PPIP5K2: variants seen among roughly 807,000 people sequenced by gnomAD.
The protein encoded by PPIP5K2 is diphosphoinositol pentakisphosphate kinase 2, also known as inositol hexakisphosphate and diphosphoinositol-pentakisphosphate kinase 2.
Under a neutral mutation model 154.6 loss-of-function variants are expected in PPIP5K2, and 105 were observed. That is an observed-to-expected ratio of 0.68 (90% CI 0.58 to 0.80). The LOEUF (loss-of-function observed/expected upper bound fraction) is 0.80. PPIP5K2 is among the 30% of genes least tolerant of loss of function. The pLI is 0.00. For synonymous variants in PPIP5K2, 480 were observed against 490.3 expected, an observed-to-expected ratio of 0.98 and a Z score of 0.28; for missense variants, 992 against 1,504.6, an observed-to-expected ratio of 0.66 and a Z score of 5.64.
At chr5:103,140,301 G>A (rs977100033) in intron 5 of PPIP5K2, among the ~76,000 whole-genome samples, 8 of 151,984 alleles carry the variant, frequency 5.3e-5, no homozygotes, top group Admixed American at 6.6e-5. Context: ...ATATGCATAG[G>A]TCATAGAAGA....
chr5:103,162,233 T>G (rs1554216117), intron 17 of PPIP5K2, among the ~76,000 whole-genome samples: 3 of 152,188 alleles, frequency 2.0e-5, no homozygotes, highest in African/African-American at 7.2e-5. Context: ...GTCTATGTTT[T>G]TCTTCTTGGA....
At chr5:103,159,409 G>C (rs2149612796) in intron 17 of PPIP5K2, 81 bp downstream of exon 17, 1 of 1,158,118 alleles carries the variant, frequency 8.6e-7, no homozygotes, top group East Asian at 2.7e-5. Context: ...TACATGTAGA[G>C]CTTATTGTAT....
chr5:103,169,206 CTA>C (rs1554218867), intron 19 of PPIP5K2, among the ~76,000 whole-genome samples: 1 of 151,640 alleles, frequency 6.6e-6, no homozygotes, highest in Non-Finnish European at 1.5e-5. Context: ...GAGATCAGGA[CTA>C]TGTTAGAAGA....
Position 103,201,566 on chromosome 5 carries a change from C to A in PPIP5K2, c.3664C>A (p.Arg1222=). The A allele has an allele frequency of 1.2e-6, 2 of 1,607,720 alleles. No individual in the cohort carries two copies. Among genetic ancestry groups the A allele is most frequent in the Non-Finnish European group, 1.7e-6 (2 of 1,178,084 alleles). The change falls in exon 31 of 31, where the codon CGG becomes AGG. Residue 1222 remains arginine, a synonymous_variant. Transcript: ENST00000358359. Reference sequence around the variant, plus strand: ...TGCAGTTGTTCCTAATACCTCATCTCGGAAAAAGAATATAACTAGCAAAAC... The same window carrying A: ...TGCAGTTGTTCCTAATACCTCATCTAGGAAAAAGAATATAACTAGCAAAAC... ...SSAVVPNTSS[R]KKNITSKTET... is the part of the protein sequence containing the mutation.
chr5:103,145,393 T>C (rs1793592669), intron 5 of PPIP5K2, among the ~76,000 whole-genome samples: 1 of 152,106 alleles, frequency 6.6e-6, no homozygotes, highest in Non-Finnish European at 1.5e-5. Context: ...ATCCCACTGC[T>C]GGGTATATGT....
chr5:103,184,790 A>C, intron 26 of PPIP5K2, 46 bp downstream of exon 26: 15 of 1,433,718 alleles, frequency 1.0e-5, no homozygotes, highest in Non-Finnish European at 1.3e-5. Context: ...TCTTAAACTC[A>C]CTATTGTGCA....
intron 7 of PPIP5K2, among the ~76,000 whole-genome samples, chr5:103,148,797 AG>A (rs1794137949): frequency 6.6e-6 from 1 of 151,648 alleles, no homozygotes; most frequent in East Asian, 1.9e-4. Context: ...TTCTTTTGGA[AG>A]GTTTTTTTTT....
intron 26 of PPIP5K2, among the ~76,000 whole-genome samples, chr5:103,185,242 A>G (rs1800177427): frequency 6.6e-6 from 1 of 152,152 alleles, no homozygotes; most frequent in Admixed American, 6.5e-5. Flanking sequence ...TAACCTATAG[A>G]ACATAATTGG....
chr5:103,181,527 C>G (rs571690773), intron 24 of PPIP5K2, among the ~76,000 whole-genome samples: 1 of 151,748 alleles, frequency 6.6e-6, no homozygotes. Flanking sequence ...GAGACCACCC[C>G]CCTGACTGCA....
chr5:103,133,808 C>T (rs535431274), intron 3 of PPIP5K2, among the ~76,000 whole-genome samples, 160 bp downstream of exon 3: 47 of 151,988 alleles, frequency 3.1e-4, no homozygotes, highest in Non-Finnish European at 6.0e-4. Flanking sequence ...CAGTGTTTGT[C>T]TTCTATGTGT....
chr5:103,134,913 T>C (rs1791226906), intron 3 of PPIP5K2, among the ~76,000 whole-genome samples: 2 of 152,206 alleles, frequency 1.3e-5, no homozygotes, highest in Admixed American at 1.3e-4. Flanking sequence ...GGTATCTGTA[T>C]TTAAATTTTA....
At chr5:103,176,872 G>A in intron 21 of PPIP5K2, 1 of 1,431,700 alleles carries the variant, frequency 7.0e-7, no homozygotes, top group Non-Finnish European at 9.5e-7. Context: ...AAAGACCAAT[G>A]ATTCTCAGAA....
At chr5:103,177,611 T>A in intron 21 of PPIP5K2, 56 bp from the exon 22 acceptor site, 1 of 1,195,962 alleles carries the variant, frequency 8.4e-7, no homozygotes. Flanking sequence ...GACAATAAAG[T>A]GACTTTCAAG....
Position 103,201,942 on chromosome 5 carries a change from A to C in PPIP5K2, c.*308A>C. 3.7e-6 allele frequency: 1 copy of C among 272,114 alleles called. No individual in the cohort carries two copies. The highest frequency in any genetic ancestry group is 1.1e-4 in the East Asian group (1 of 9,290). The allele number at this position is 272,114 out of a possible 1,614,324, so 16.9% of individuals were successfully genotyped here. On this transcript the variant is annotated 3_prime_UTR_variant, in exon 31 of 31. Coordinates refer to ENST00000358359, the MANE Select transcript of PPIP5K2 (RefSeq NM_001276277.3). ...GTACCAAAGTCACAGCAGTAATGCTATGTACTGCAGAGTCTGATGAGCTGG... is the reference window on the plus strand; with the variant it reads ...GTACCAAAGTCACAGCAGTAATGCTCTGTACTGCAGAGTCTGATGAGCTGG...
At chr5:103,160,629 T>C (rs1469754840) in intron 17 of PPIP5K2, among the ~76,000 whole-genome samples, 1 of 152,232 alleles carries the variant, frequency 6.6e-6, no homozygotes, top group African/African-American at 2.4e-5. Context: ...TGTTTTTGTT[T>C]TCTTTTAACT....
intron 2 of PPIP5K2, 48 bp from the exon 3 acceptor site, chr5:103,133,405 G>T: frequency 6.6e-7 from 1 of 1,513,014 alleles, no homozygotes; most frequent in African/African-American, 1.4e-5. Context: ...GCTGTACTTT[G>T]GAGTTCATGT....
chr5:103,171,273 G>A (rs1332756526), intron 19 of PPIP5K2, among the ~76,000 whole-genome samples: 10 of 151,104 alleles, frequency 6.6e-5, no homozygotes, highest in African/African-American at 2.4e-4. Flanking sequence ...ATGGTATAGT[G>A]GTAAATAAAA....
At chr5:103,128,224 A>G (rs943024982) in intron 1 of PPIP5K2, among the ~76,000 whole-genome samples, 6 of 152,076 alleles carry the variant, frequency 3.9e-5, no homozygotes, top group East Asian at 1.9e-4. Flanking sequence ...TTGACTTTTA[A>G]GAATATTTGA....
chr5:103,158,909 A>G (rs534162640), intron 16 of PPIP5K2, among the ~76,000 whole-genome samples: 2 of 152,270 alleles, frequency 1.3e-5, no homozygotes, highest in Admixed American at 6.5e-5. Context: ...ACCGCAGGCA[A>G]CAGTGTCAGA....
Sources: allele counts gnomAD v4.1 joint callset (sites outside exome capture counted in the v4.1 genomes callset), GRCh38; gene constraint gnomAD v4.1.1; transcripts MANE v1.5; gene names NCBI Gene and HGNC (gene_info 2026-07-23, HGNC 2026-07-21).